MAEA: variants seen among roughly 807,000 people sequenced by gnomAD.
MAEA encodes E3 ubiquitin-protein transferase MAEA.
A neutral mutation model predicts 46.2 loss-of-function variants in MAEA; 22 were observed. The ratio of observed to expected loss-of-function variants is 0.48; its 90% CI spans 0.34 to 0.68. MAEA has a LOEUF of 0.68. Ranked by LOEUF, MAEA falls within the 30% of genes least tolerant of loss-of-function variation. MAEA has a pLI of 0.01. For missense variants in MAEA, 393 were observed against 558.1 expected (o/e 0.70, Z 2.98); for synonymous variants, 246 against 222.6 (o/e 1.11, Z -0.94).
intron 1 of MAEA, among the ~76,000 whole-genome samples, chr4:1,307,112 A>T (rs1038703892): frequency 3.9e-5 from 6 of 152,238 alleles, no homozygotes; most frequent in African/African-American, 1.4e-4. Flanking sequence ...AAAATTCATT[A>T]GAATTTTTGT....
In MAEA at chr4:1,312,177, C is replaced by G; in HGVS notation, c.252+16C>G. On this transcript the variant is annotated intron_variant, in intron 2 of 8. Transcript: ENST00000303400. ...CAAGAGGAAGGTTGGTCCCGCCTGGCGGTCCCTCTTCAGTCTGGGGCATGG... is the reference window on the plus strand; with the variant it reads ...CAAGAGGAAGGTTGGTCCCGCCTGGGGGTCCCTCTTCAGTCTGGGGCATGG... 1.2e-6 allele frequency: 2 copies of G among 1,613,580 alleles called. No individual in the cohort carries two copies. Among genetic ancestry groups the G allele is most frequent in the Non-Finnish European group, 1.7e-6 (2 of 1,179,918 alleles).
chr4:1,316,198 T>C (rs949164566), intron 3 of MAEA, among the ~76,000 whole-genome samples: 1 of 152,140 alleles, frequency 6.6e-6, no homozygotes, highest in African/African-American at 2.4e-5. Flanking sequence ...TGTGGCACCC[T>C]GTAGAAACAC....
rs1736570658 is a variant in MAEA at position 1,312,068 on chromosome 4, G to A, written c.159G>A (p.Glu53=). 1 of 1,613,952 alleles carries A rather than the reference G, an allele frequency of 6.2e-7. No individual in the cohort carries two copies. Among genetic ancestry groups the A allele is most frequent in the Non-Finnish European group, 8.5e-7 (1 of 1,180,044 alleles). ...ETSHVTMVVA[E]LEKTLSGCPA... Reference sequence around the variant, plus strand: ...GCCACGTCACCATGGTGGTGGCCGAGCTGGAGAAGACGTTGAGCGGCTGCC... The same window carrying A: ...GCCACGTCACCATGGTGGTGGCCGAACTGGAGAAGACGTTGAGCGGCTGCC... Residue 53 remains glutamate, a synonymous_variant, in exon 2 of 9, where the codon GAG becomes GAA. Coordinates refer to ENST00000303400, the MANE Select transcript of MAEA (RefSeq NM_001017405.3).
At chr4:1,328,995 C>G in intron 5 of MAEA, 1 of 987,886 alleles carries the variant, frequency 1.0e-6, no homozygotes, top group South Asian at 4.6e-5. Flanking sequence ...TCTGCTCTGG[C>G]CTCCGTGTGG....
At chr4:1,304,100 C>G (rs1735601335) in intron 1 of MAEA, among the ~76,000 whole-genome samples, 1 of 152,152 alleles carries the variant, frequency 6.6e-6, no homozygotes, top group South Asian at 2.1e-4. Context: ...CCTCCTCCCC[C>G]TGTCAGTCGT....
At chr4:1,307,269 C>CCTCT (rs2108891364) in intron 1 of MAEA, among the ~76,000 whole-genome samples, 1 of 151,862 alleles carries the variant, frequency 6.6e-6, no homozygotes, top group East Asian at 1.9e-4. Flanking sequence ...TCACCATGAC[C>CCTCT]CTCTCATCTT....
chr4:1,320,195 A>G (rs1737866700), intron 3 of MAEA, among the ~76,000 whole-genome samples: 1 of 95,776 alleles, frequency 1.0e-5, no homozygotes, highest in Non-Finnish European at 2.0e-5. Flanking sequence ...AGAAATCATC[A>G]GAACAAACGT....
chr4:1,304,081 C>CCCA (rs1735598905), intron 1 of MAEA, among the ~76,000 whole-genome samples: 1 of 152,046 alleles, frequency 6.6e-6, no homozygotes, highest in African/African-American at 2.4e-5. Context: ...CCCGTCAAAC[C>CCCA]CCACGCACCC....
chr4:1,330,031 G>A (rs1037009362), intron 5 of MAEA: 8 of 985,426 alleles, frequency 8.1e-6, no homozygotes, highest in African/African-American at 1.7e-5. Context: ...TGGAGCCAGC[G>A]TGCTGGGCCG....
At chr4:1,329,919 G>A (rs1452791652) in intron 5 of MAEA, 25 of 985,426 alleles carry the variant, frequency 2.5e-5, no homozygotes, top group East Asian at 1.1e-4. Context: ...CTGAACTCAC[G>A]GTCCACATGG....
chr4:1,338,654 C>G (rs1713120461), intron 8 of MAEA, 37 bp downstream of exon 8: 1 of 1,551,404 alleles, frequency 6.4e-7, no homozygotes, highest in Admixed American at 1.9e-5. Flanking sequence ...GGCTGGCACG[C>G]ATCGCCATCG....
intron 1 of MAEA, among the ~76,000 whole-genome samples, chr4:1,308,238 A>G (rs138233397): frequency 6.6e-6 from 1 of 152,230 alleles, no homozygotes; most frequent in African/African-American, 2.4e-5. Flanking sequence ...ATCGAAACAT[A>G]GAAAAGGTGC....
intron 1 of MAEA, among the ~76,000 whole-genome samples, chr4:1,307,647 C>T (rs937157849): frequency 2.0e-5 from 3 of 152,226 alleles, no homozygotes; most frequent in Non-Finnish European, 4.4e-5. Flanking sequence ...ACCTGCACCC[C>T]AGAGACCCTG....
At chr4:1,321,864 T>G (rs1462762566) in intron 3 of MAEA, among the ~76,000 whole-genome samples, 2 of 140,792 alleles carry the variant, frequency 1.4e-5, no homozygotes, top group East Asian at 4.9e-4. Flanking sequence ...TTACTCTGTT[T>G]TTTTTGTTGT....
chr4:1,308,845 T>C (rs562684693), intron 1 of MAEA, among the ~76,000 whole-genome samples: 1 of 152,352 alleles, frequency 6.6e-6, no homozygotes, highest in South Asian at 2.1e-4. Flanking sequence ...TGCAGCTATT[T>C]TTTCCCATTT....
intron 5 of MAEA, chr4:1,330,055 G>A (rs995555494): frequency 9.1e-6 from 9 of 985,320 alleles, no homozygotes; most frequent in East Asian, 2.3e-4. Flanking sequence ...AGGGGGCCTC[G>A]TTGGCTGGGG....
At chr4:1,315,369 G>T in intron 2 of MAEA, 28 bp from the exon 3 acceptor site, 2 of 1,611,386 alleles carry the variant, frequency 1.2e-6, no homozygotes, top group African/African-American at 1.3e-5. Flanking sequence ...TCCCTGTCCT[G>T]AACGTGCCTC....
intron 5 of MAEA, chr4:1,329,780 G>T: frequency 1.0e-6 from 1 of 985,588 alleles, no homozygotes; most frequent in Non-Finnish European, 1.2e-6. Flanking sequence ...AGAGGGTGTT[G>T]TGTATCACTC....
At chr4:1,299,313 A>G (rs1735085028) in intron 1 of MAEA, among the ~76,000 whole-genome samples, 1 of 152,246 alleles carries the variant, frequency 6.6e-6, no homozygotes, top group East Asian at 1.9e-4. Context: ...GTTGGCCTTG[A>G]TGCCTCTGTT....
Sources: gnomAD v4.1 joint callset for allele counts (sites outside exome capture counted in the v4.1 genomes callset) on GRCh38, gnomAD v4.1.1 for gene constraint, MANE v1.5 for transcripts, NCBI Gene and HGNC (gene_info 2026-07-23, HGNC 2026-07-21) for gene names.